The following IGF2R variants were observed in gnomAD, a reference collection of about 807,000 sequenced individuals.
IGF2R encodes cation-independent mannose-6-phosphate receptor.
Under a neutral mutation model 270.6 loss-of-function variants are expected in IGF2R, and 91 were observed. The observed-to-expected ratio is 0.34, with a 90% CI of 0.28 to 0.40. IGF2R has a LOEUF of 0.40. Among genes scored for constraint, IGF2R ranks in the 10% least tolerant of loss-of-function variants. The pLI, the probability that IGF2R is intolerant of heterozygous loss-of-function variation, is 1.00. For synonymous variants in IGF2R, 1,316 were observed against 1,258.9 expected, an observed-to-expected ratio of 1.05 and a Z score of -0.96; for missense variants, 2,805 against 3,188.3, an observed-to-expected ratio of 0.88 and a Z score of 2.90.
At chr6:160,022,492 C>T (rs1284054610) in intron 4 of IGF2R, among the ~76,000 whole-genome samples, 1 of 152,130 alleles carries the variant, frequency 6.6e-6, no homozygotes, top group Non-Finnish European at 1.5e-5. Context: ...ACCATTAGTT[C>T]ATAGGTATGA....
At chr6:160,002,530 G>A (rs1252763246) in intron 2 of IGF2R, among the ~76,000 whole-genome samples, 1 of 152,222 alleles carries the variant, frequency 6.6e-6, no homozygotes, top group Admixed American at 6.5e-5. Flanking sequence ...GGAGGGACTG[G>A]TCTTGTTGTT....
intron 4 of IGF2R, among the ~76,000 whole-genome samples, chr6:160,011,557 T>G (rs1036759933): frequency 2.0e-5 from 3 of 151,600 alleles, no homozygotes; most frequent in African/African-American, 7.3e-5. Context: ...TTTCGTTTTT[T>G]TTTTTTTTTT....
intron 4 of IGF2R, among the ~76,000 whole-genome samples, chr6:160,023,562 C>G (rs1355189461): frequency 6.6e-6 from 1 of 152,126 alleles, no homozygotes; most frequent in Non-Finnish European, 1.5e-5. Context: ...TTACAGCAGC[C>G]CCATGAAGGA....
chr6:159,988,512 CAAAAAAAAAAAAAAAA>C (rs59531292), intron 1 of IGF2R, among the ~76,000 whole-genome samples: 1 of 50,478 alleles, frequency 2.0e-5, no homozygotes, highest in South Asian at 7.3e-4. Flanking sequence ...GACTCCGTCT[CAAAAAAAAAAAAAAAA>C]AAAAAAAAGA....
At chr6:160,015,250 A>G (rs1356773869) in intron 4 of IGF2R, among the ~76,000 whole-genome samples, 1 of 152,240 alleles carries the variant, frequency 6.6e-6, no homozygotes, top group Non-Finnish European at 1.5e-5. Flanking sequence ...ACAGAAAATA[A>G]TAAAACTATC....
At position 160,105,108 on chromosome 6, in the gene IGF2R, A is replaced by G. The variant is rs1348547930; in HGVS notation, c.*24A>G. 4 of 1,502,814 alleles carry G rather than the reference A, an allele frequency of 2.7e-6. No homozygotes were observed. In the African/African-American group the frequency reaches 5.6e-5, roughly 21 times the overall value. The allele number at this position is 1,502,814 out of a possible 1,614,324, so 93.1% of individuals were successfully genotyped here. ...GACTCCGCAGTGCCTGCAGGGGAGC[A>G]CGGAGCCGCGGGACAGCCAAGCACC... On this transcript the variant is annotated 3_prime_UTR_variant, in exon 48 of 48. Coordinates refer to ENST00000356956, the MANE Select transcript of IGF2R (RefSeq NM_000876.4).
At position 160,009,791 on chromosome 6, in the gene IGF2R, C is replaced by T. The variant is rs933137460; in HGVS notation, c.414+657C>T. On this transcript the variant is annotated intron_variant, in intron 3 of 47. Transcript: ENST00000356956. ...GAATGTTCTTGAATCCCAGTAAGAA[C>T]CCAATCTTTAGGAAAGTCAGGTTGA... 1.3e-5 allele frequency among the ~76,000 whole-genome samples: 2 copies of T among 152,112 alleles called. 1 individual carries two copies. The highest frequency in any genetic ancestry group is 4.1e-4 in the South Asian group (2 of 4,828).
At chr6:159,997,930 C>T (rs1433359535) in intron 2 of IGF2R, among the ~76,000 whole-genome samples, 1 of 152,164 alleles carries the variant, frequency 6.6e-6, no homozygotes, top group Non-Finnish European at 1.5e-5. Flanking sequence ...GATTGAGGCC[C>T]AGCTCCTGTT....
At chr6:160,062,467 CG>C (rs1388888916) in intron 25 of IGF2R, 64 bp from the exon 26 acceptor site, 2 of 1,289,170 alleles carry the variant, frequency 1.6e-6, no homozygotes, top group Non-Finnish European at 2.3e-6. Flanking sequence ...CCACCGTGCC[CG>C]GCCCCATTTG....
At chr6:160,003,528 G>C (rs1020596638) in intron 2 of IGF2R, 1 of 152,184 alleles carries the variant, frequency 6.6e-6, no homozygotes, top group Non-Finnish European at 1.5e-5. Flanking sequence ...ACAATCTACT[G>C]TGTGGGTATG....
At chr6:160,099,647 G>A (rs779613319) in intron 45 of IGF2R, among the ~76,000 whole-genome samples, 1 of 152,174 alleles carries the variant, frequency 6.6e-6, no homozygotes, top group Non-Finnish European at 1.5e-5. Flanking sequence ...GATTACAGGC[G>A]TGAGCCACCG....
intron 44 of IGF2R, among the ~76,000 whole-genome samples, chr6:160,090,577 G>A (rs1779198249): frequency 6.6e-6 from 1 of 152,222 alleles, no homozygotes; most frequent in East Asian, 1.9e-4. Flanking sequence ...AGGGTGTGAA[G>A]GAAGGTTTTA....
chr6:159,999,220 C>T (rs544270475), intron 2 of IGF2R, among the ~76,000 whole-genome samples: 1 of 152,264 alleles, frequency 6.6e-6, no homozygotes, highest in South Asian at 2.1e-4. Context: ...ATGTGTAGGA[C>T]AATTGAAGTA....
chr6:159,986,915 CT>C (rs1460022906), intron 1 of IGF2R, among the ~76,000 whole-genome samples: 2 of 152,132 alleles, frequency 1.3e-5, no homozygotes, highest in African/African-American at 4.8e-5. Context: ...TACATGTTCA[CT>C]TCAGGTAGAG....
intron 8 of IGF2R, 102 bp from the exon 9 acceptor site, chr6:160,032,840 G>T: frequency 1.4e-6 from 2 of 1,392,514 alleles, no homozygotes. Flanking sequence ...GTTTGGGCTG[G>T]TGTTTCAGAA....
At chr6:160,079,387 G>T (rs1449136675) in intron 37 of IGF2R, among the ~76,000 whole-genome samples, 193 bp from the exon 38 acceptor site, 2 of 152,214 alleles carry the variant, frequency 1.3e-5, no homozygotes, top group African/African-American at 4.8e-5. Context: ...AAGCAAGCTG[G>T]GCCTAGGGGT....
intron 34 of IGF2R, 109 bp downstream of exon 34, chr6:160,073,578 A>G: frequency 7.8e-7 from 1 of 1,283,226 alleles, no homozygotes; most frequent in Non-Finnish European, 1.1e-6. Flanking sequence ...TGAACTGTCC[A>G]CTCCTGATCA....
At chr6:160,055,451 G>C (rs1217001529) in intron 19 of IGF2R, among the ~76,000 whole-genome samples, 1 of 152,172 alleles carries the variant, frequency 6.6e-6, no homozygotes, top group Non-Finnish European at 1.5e-5. Flanking sequence ...AAGGAAGAAA[G>C]GGCCGCTCTC....
In IGF2R at chr6:160,075,834, G is replaced by A. The variant is rs188607324; in HGVS notation, c.5167-13G>A. The A allele has an allele frequency of 6.5e-5, 105 of 1,610,880 alleles. No individual in the cohort carries two copies. In the East Asian group the frequency reaches 1.2e-3, roughly 19 times the overall value. ...ATTTCCTGAAATACTGTTTGCCCTC[G>A]CTCTTTGTTTAGGATATCGGCCGGG... On this transcript the variant is annotated splice_polypyrimidine_tract_variant and intron_variant, in intron 35 of 47. Coordinates refer to ENST00000356956, the MANE Select transcript of IGF2R (RefSeq NM_000876.4).
Sources: allele counts gnomAD v4.1 joint callset (sites outside exome capture counted in the v4.1 genomes callset), GRCh38; gene constraint gnomAD v4.1.1; transcripts MANE v1.5; gene names NCBI Gene and HGNC (gene_info 2026-07-23, HGNC 2026-07-21).